Variants in MYRIP observed in about 807,000 individuals in gnomAD.
The protein encoded by MYRIP is myosin VIIA and Rab interacting protein.
In MYRIP, 49 loss-of-function variants were observed where a neutral mutation model predicts 98.0. The observed-to-expected ratio is 0.50, with a 90% CI of 0.40 to 0.63. The LOEUF (loss-of-function observed/expected upper bound fraction) is 0.63, where lower values mean the gene tolerates loss of function less well. Ranked by LOEUF, MYRIP falls within the 30% of genes least tolerant of loss-of-function variation. The pLI, the probability that MYRIP is intolerant of heterozygous loss-of-function variation, is 0.00. For missense variants in MYRIP, 1,004 were observed against 1,058.2 expected, an observed-to-expected ratio of 0.95 and a Z score of 0.71; for synonymous variants, 404 against 409.5, an observed-to-expected ratio of 0.99 and a Z score of 0.16.
At chr3:39,809,331 G>A (rs1234977297), upstream of MYRIP, among the ~76,000 whole-genome samples, 1 of 150,970 alleles carries the variant, frequency 6.6e-6, no homozygotes, top group Non-Finnish European at 1.5e-5. Context: ...GAAGAGCCCC[G>A]GGAGGGGCGC....
intron 16 of MYRIP, among the ~76,000 whole-genome samples, chr3:40,257,293 G>A (rs1457501036): frequency 6.6e-6 from 1 of 152,224 alleles, no homozygotes; most frequent in Non-Finnish European, 1.5e-5. Flanking sequence ...CTGCACTCCA[G>A]CCTGAGCAAC....
intron 3 of MYRIP, among the ~76,000 whole-genome samples, chr3:40,127,341 C>G (rs994063653): frequency 6.6e-6 from 1 of 152,102 alleles, no homozygotes; most frequent in African/African-American, 2.4e-5. Context: ...GAGAGGTTAG[C>G]GACTTGCTTT....
At chr3:39,848,256 C>A (rs1942028160) in intron 1 of MYRIP, among the ~76,000 whole-genome samples, 1 of 152,186 alleles carries the variant, frequency 6.6e-6, no homozygotes, top group South Asian at 2.1e-4. Flanking sequence ...TATAGATATT[C>A]TTAATGGCTG....
intron 2 of MYRIP, among the ~76,000 whole-genome samples, chr3:40,019,665 A>T (rs535381207): frequency 6.6e-6 from 1 of 152,330 alleles, no homozygotes; most frequent in Admixed American, 6.5e-5. Context: ...GGATGAATGA[A>T]TACATGAAAG....
chr3:40,143,359 G>C (rs746874988), intron 3 of MYRIP, among the ~76,000 whole-genome samples: 7 of 152,144 alleles, frequency 4.6e-5, no homozygotes, highest in Non-Finnish European at 8.8e-5. Flanking sequence ...AGACACCTGA[G>C]CATGGACCAG....
chr3:39,832,517 A>G (rs1941482163), intron 1 of MYRIP, among the ~76,000 whole-genome samples: 1 of 152,220 alleles, frequency 6.6e-6, no homozygotes, highest in East Asian at 1.9e-4. Context: ...AGGAGGACAA[A>G]TTTTAAGAAA....
In MYRIP at chr3:40,029,431, C is replaced by T. The variant is rs534268962; in HGVS notation, c.111-14619C>T. 5.3e-5 allele frequency among the ~76,000 whole-genome samples: 8 copies of T among 152,238 alleles called. No homozygotes were observed. In the East Asian group the frequency reaches 1.5e-3, roughly 29 times the overall value. On this transcript the variant is annotated intron_variant, in intron 2 of 16. Transcript: ENST00000302541. ...GGCACTTCTATGCAGAGCAGTGAGC[C>T]CTGCTCATGTGTTAGAAGATATGTA...
intron 2 of MYRIP, among the ~76,000 whole-genome samples, chr3:40,019,647 A>C (rs951663664): frequency 6.6e-6 from 1 of 152,202 alleles, no homozygotes; most frequent in Non-Finnish European, 1.5e-5. Context: ...ATAGGAGCTT[A>C]AAGTCTTGGA....
chr3:39,899,706 G>A (rs1943700898), intron 1 of MYRIP, among the ~76,000 whole-genome samples: 1 of 152,146 alleles, frequency 6.6e-6, no homozygotes, highest in South Asian at 2.1e-4. Context: ...AACTGTCATT[G>A]TCCCACTTCC....
chr3:39,996,609 C>T (rs148981496), intron 2 of MYRIP, among the ~76,000 whole-genome samples: 11,150 of 152,108 alleles, frequency 0.073, 568 homozygotes, highest in East Asian at 0.17. Flanking sequence ...CCACTGTCAA[C>T]ATTAGACAGA....
intron 2 of MYRIP, among the ~76,000 whole-genome samples, chr3:39,973,294 A>G (rs982512909): frequency 1.3e-5 from 2 of 152,192 alleles, no homozygotes; most frequent in African/African-American, 4.8e-5. Context: ...AAAGATCAAA[A>G]GAGACAAAGA....
At chr3:39,900,055 A>T (rs566500144) in intron 1 of MYRIP, among the ~76,000 whole-genome samples, 1 of 152,314 alleles carries the variant, frequency 6.6e-6, no homozygotes, top group East Asian at 1.9e-4. Flanking sequence ...TCCTGATGTC[A>T]GGTGATCTGC....
At chr3:39,909,731 C>T (rs1179416892) in intron 2 of MYRIP, among the ~76,000 whole-genome samples, 1 of 152,144 alleles carries the variant, frequency 6.6e-6, no homozygotes, top group African/African-American at 2.4e-5. Context: ...CATGTTTTCA[C>T]AACCCCAAAT....
chr3:40,128,825 G>T (rs1024705619), intron 3 of MYRIP, among the ~76,000 whole-genome samples: 4 of 152,158 alleles, frequency 2.6e-5, no homozygotes, highest in Admixed American at 2.6e-4. Flanking sequence ...TTTAATTGCT[G>T]CTGTGCTTAA....
chr3:40,112,978 C>G (rs989563734), intron 3 of MYRIP, among the ~76,000 whole-genome samples: 3 of 152,170 alleles, frequency 2.0e-5, no homozygotes, highest in African/African-American at 7.2e-5. Context: ...ATCCAGGCTG[C>G]TATGAATGTG....
At chr3:39,823,230 G>A (rs1421862171) in intron 1 of MYRIP, among the ~76,000 whole-genome samples, 4 of 152,092 alleles carry the variant, frequency 2.6e-5, no homozygotes, top group Non-Finnish European at 4.4e-5. Flanking sequence ...ATGTTCCCCA[G>A]ACTGGTCTTC....
intron 1 of MYRIP, among the ~76,000 whole-genome samples, chr3:39,841,614 T>A (rs767923023): frequency 2.5e-4 from 38 of 152,330 alleles, no homozygotes; most frequent in Non-Finnish European, 4.6e-4. Flanking sequence ...GTCTTTTATA[T>A]TGGTGACCTT....
At chr3:40,039,690 T>C (rs1335525104) in intron 2 of MYRIP, among the ~76,000 whole-genome samples, 1 of 150,790 alleles carries the variant, frequency 6.6e-6, no homozygotes, top group East Asian at 2.0e-4. Flanking sequence ...TAGATGAGAA[T>C]ATAGTGTTGA....
At chr3:40,205,534 C>T (rs889040509) in intron 10 of MYRIP, among the ~76,000 whole-genome samples, 5 of 152,100 alleles carry the variant, frequency 3.3e-5, no homozygotes, top group African/African-American at 9.7e-5. Flanking sequence ...GACACCACAC[C>T]AGTGGGCAAG....
Sources: gnomAD v4.1 joint callset for allele counts (sites outside exome capture counted in the v4.1 genomes callset) on GRCh38, gnomAD v4.1.1 for gene constraint, MANE v1.5 for transcripts, NCBI Gene and HGNC (gene_info 2026-07-23, HGNC 2026-07-21) for gene names.